The following ADAMTS19 variants were observed in gnomAD, a reference collection of about 807,000 sequenced individuals.
ADAMTS19 encodes the protein ADAM metallopeptidase with thrombospondin type 1 motif 19, also known as A disintegrin and metalloproteinase with thrombospondin motifs 19.
A neutral mutation model predicts 153.3 loss-of-function variants in ADAMTS19; 93 were observed. That is an observed-to-expected ratio of 0.61 (90% CI 0.51 to 0.72). ADAMTS19 has a LOEUF of 0.72. Ranked by LOEUF, ADAMTS19 falls within the 30% of genes least tolerant of loss-of-function variation. The pLI is 0.00. For synonymous variants in ADAMTS19, 600 were observed against 556.6 expected, an observed-to-expected ratio of 1.08 and a Z score of -1.10; for missense variants, 1,482 against 1,552.1, an observed-to-expected ratio of 0.95 and a Z score of 0.76.
At chr5:129,475,336 A>G (rs1308849856) in intron 2 of ADAMTS19, among the ~76,000 whole-genome samples, 3 of 152,180 alleles carry the variant, frequency 2.0e-5, no homozygotes, top group East Asian at 1.9e-4. Context: ...AAAATACCAT[A>G]CTTTCCTCAT....
intron 11 of ADAMTS19, among the ~76,000 whole-genome samples, chr5:129,644,676 T>C (rs999902938): frequency 6.6e-6 from 1 of 152,182 alleles, no homozygotes; most frequent in Non-Finnish European, 1.5e-5. Context: ...TGTTGGCATT[T>C]ACATTTCAAA....
intron 7 of ADAMTS19, among the ~76,000 whole-genome samples, chr5:129,580,823 G>C (rs1384167949): frequency 1.3e-5 from 2 of 152,150 alleles, no homozygotes; most frequent in Admixed American, 6.5e-5. Flanking sequence ...TGTGCTGCTG[G>C]ATTCGGTTTG....
chr5:129,595,105 T>C (rs551485591), intron 7 of ADAMTS19, among the ~76,000 whole-genome samples: 1 of 152,300 alleles, frequency 6.6e-6, no homozygotes, highest in South Asian at 2.1e-4. Context: ...AATAATATGT[T>C]CATTCTACCT....
At chr5:129,689,358 T>G (rs2127138700) in intron 18 of ADAMTS19, among the ~76,000 whole-genome samples, 1 of 152,292 alleles carries the variant, frequency 6.6e-6, no homozygotes, top group East Asian at 1.9e-4. Flanking sequence ...AGCCTATACC[T>G]TTTAAAACCC....
chr5:129,569,138 G>T (rs1417934042), intron 7 of ADAMTS19, among the ~76,000 whole-genome samples: 1 of 151,806 alleles, frequency 6.6e-6, no homozygotes, highest in African/African-American at 2.4e-5. Flanking sequence ...TGTGGAAAAA[G>T]TAGTAAAAAG....
At position 129,461,541 on chromosome 5, in the gene ADAMTS19, C is replaced by T. The variant is rs1215947477; in HGVS notation, c.531C>T (p.Ala177=). The change falls in exon 2 of 23, where the codon GCC becomes GCT. Residue 177 remains alanine (A), a synonymous_variant. Coordinates refer to ENST00000274487, the MANE Select transcript of ADAMTS19 (RefSeq NM_133638.6). The surrounding 1 kb of genome is among the most constrained non-coding windows in gnomAD (Gnocchi z 4.6). ...DGDEVLLRIP[A]FSRDLYLLLR... is the part of the protein sequence containing the mutation. ...ACGAAGTGTTGCTGCGGATCCCGGC[C>T]TTCTCTCGGGACCTGTACCTGCTGC... 1 of 1,533,986 alleles carries T rather than the reference C, an allele frequency of 6.5e-7. No homozygotes were observed. Among genetic ancestry groups the T allele is most frequent in the Admixed American group, 2.0e-5 (1 of 50,366 alleles).
intron 11 of ADAMTS19, among the ~76,000 whole-genome samples, chr5:129,642,820 G>A (rs1009118658): frequency 4.0e-5 from 6 of 148,186 alleles, no homozygotes; most frequent in South Asian, 2.1e-4. Flanking sequence ...AAAACATATC[G>A]ATTTGAAAAA....
At chr5:129,496,774 T>C (rs1750939116) in intron 2 of ADAMTS19, among the ~76,000 whole-genome samples, 1 of 152,104 alleles carries the variant, frequency 6.6e-6, no homozygotes, top group East Asian at 1.9e-4. Flanking sequence ...TGACTAACCC[T>C]TTAACAACTA....
chr5:129,661,090 G>A (rs527498996), intron 15 of ADAMTS19, among the ~76,000 whole-genome samples: 76 of 152,220 alleles, frequency 5.0e-4, no homozygotes, highest in South Asian at 4.8e-3. Flanking sequence ...TTTCTTTAAT[G>A]AAGTGATCCC....
chr5:129,623,945 C>T (rs1268067555), intron 10 of ADAMTS19, among the ~76,000 whole-genome samples: 3 of 150,862 alleles, frequency 2.0e-5, no homozygotes, highest in African/African-American at 7.3e-5. Flanking sequence ...ACGGTGAAAC[C>T]CCATCTCTCC....
intron 21 of ADAMTS19, among the ~76,000 whole-genome samples, chr5:129,733,181 C>G (rs1371624967): frequency 2.4e-4 from 37 of 151,860 alleles, no homozygotes; most frequent in Admixed American, 2.2e-3. Flanking sequence ...AAGACTTGAA[C>G]ATAAGACCTG....
At chr5:129,578,071 C>T (rs1188760115) in intron 7 of ADAMTS19, among the ~76,000 whole-genome samples, 1 of 139,646 alleles carries the variant, frequency 7.2e-6, no homozygotes, top group Non-Finnish European at 1.6e-5. Flanking sequence ...CACACACACA[C>T]ACACACACAT....
chr5:129,545,422 T>A (rs1177516809), intron 6 of ADAMTS19, among the ~76,000 whole-genome samples: 1 of 151,986 alleles, frequency 6.6e-6, no homozygotes, highest in Non-Finnish European at 1.5e-5. Flanking sequence ...ACTACAGACA[T>A]CAGAATGAGA....
At chr5:129,480,756 G>T (rs1314916747) in intron 2 of ADAMTS19, among the ~76,000 whole-genome samples, 1 of 152,084 alleles carries the variant, frequency 6.6e-6, no homozygotes, top group Non-Finnish European at 1.5e-5. Flanking sequence ...AAACAATAAT[G>T]TGTTATTGTC....
intron 2 of ADAMTS19, among the ~76,000 whole-genome samples, chr5:129,464,415 C>G (rs1469159001): frequency 6.6e-6 from 1 of 152,160 alleles, no homozygotes; most frequent in Non-Finnish European, 1.5e-5. Context: ...ATTTTCTTCT[C>G]AGGGAAAGCT....
intron 21 of ADAMTS19, among the ~76,000 whole-genome samples, chr5:129,714,263 C>CA (rs1315085724): frequency 2.0e-5 from 3 of 149,498 alleles, no homozygotes; most frequent in Non-Finnish European, 3.0e-5. Flanking sequence ...ACTAAAAATA[C>CA]AAAAAATTAG....
At chr5:129,641,036 T>A (rs1433058619) in intron 10 of ADAMTS19, among the ~76,000 whole-genome samples, 1 of 152,132 alleles carries the variant, frequency 6.6e-6, no homozygotes, top group Non-Finnish European at 1.5e-5. Flanking sequence ...TTCATATTTC[T>A]GTACAATTGT....
rs529937903 is a variant in ADAMTS19 at position 129,622,475 on chromosome 5, T to C, written c.1770+127T>C. 106 of 1,090,222 alleles carry C rather than the reference T, an allele frequency of 9.7e-5. No homozygotes were observed. The African/African-American group carries it at 1.6e-3, about 17-fold the overall frequency. 67.5% of individuals were successfully genotyped at this position (1,090,222 alleles called of 1,614,324 possible). On this transcript the variant is annotated intron_variant, in intron 10 of 22. Coordinates refer to ENST00000274487, the MANE Select transcript of ADAMTS19 (RefSeq NM_133638.6). ...CCCAATATATAAAAGAAGGATTTTC[T>C]AAGAAAAGGTTTGTGCATTTTTTTC...
At chr5:129,645,654 T>C (rs138017691) in intron 11 of ADAMTS19, among the ~76,000 whole-genome samples, 1 of 152,162 alleles carries the variant, frequency 6.6e-6, no homozygotes, top group African/African-American at 2.4e-5. Flanking sequence ...TAGTCTGTTA[T>C]GAACTCTAGC....
Sources: allele counts gnomAD v4.1 joint callset (sites outside exome capture counted in the v4.1 genomes callset), GRCh38; gene constraint gnomAD v4.1.1; non-coding constraint Gnocchi (gnomAD v3.1); transcripts MANE v1.5; gene names NCBI Gene and HGNC (gene_info 2026-07-23, HGNC 2026-07-21).